Variants in STK35 observed in about 807,000 individuals in gnomAD.
STK35 encodes serine/threonine kinase 35.
In STK35, 17 loss-of-function variants were observed where a neutral mutation model predicts 37.3. That is an observed-to-expected ratio of 0.46 (90% CI 0.31 to 0.68). STK35 has a LOEUF of 0.68. Ranked by LOEUF, STK35 falls within the 30% of genes least tolerant of loss-of-function variation. The pLI is 0.05. For missense variants in STK35, 595 were observed against 746.7 expected, an observed-to-expected ratio of 0.80 and a Z score of 2.37; for synonymous variants, 385 against 319.1, an observed-to-expected ratio of 1.21 and a Z score of -2.20.
intron 3 of STK35, among the ~76,000 whole-genome samples, chr20:2,135,813 G>A (rs1168084692): frequency 2.0e-5 from 3 of 152,192 alleles, no homozygotes; most frequent in Non-Finnish European, 2.9e-5. Flanking sequence ...TTGCACTGCT[G>A]CGCTCCAGCT....
chr20:2,123,788 C>A (rs1959784684), intron 3 of STK35, among the ~76,000 whole-genome samples: 1 of 152,222 alleles, frequency 6.6e-6, no homozygotes, highest in Non-Finnish European at 1.5e-5. Context: ...TCTATGACTT[C>A]CTGGCCCAGC....
At chr20:2,137,802 C>T (rs1485023305) in intron 3 of STK35, among the ~76,000 whole-genome samples, 1 of 151,876 alleles carries the variant, frequency 6.6e-6, no homozygotes, top group Non-Finnish European at 1.5e-5. Flanking sequence ...CCACCGAACC[C>T]CCAGGGCTGG....
intron 3 of STK35, among the ~76,000 whole-genome samples, chr20:2,124,687 A>G (rs1268408841): frequency 6.6e-6 from 1 of 152,148 alleles, no homozygotes; most frequent in African/African-American, 2.4e-5. Context: ...ATGAGTGAAG[A>G]GTCAGAGTGT....
intron 2 of STK35, among the ~76,000 whole-genome samples, chr20:2,104,666 C>T (rs546886647): frequency 6.6e-6 from 1 of 152,248 alleles, no homozygotes; most frequent in South Asian, 2.1e-4. Context: ...TTTTGCACAA[C>T]TTAAAGATCC....
At chr20:2,118,233 T>C (rs1205758617) in intron 3 of STK35, among the ~76,000 whole-genome samples, 1 of 152,212 alleles carries the variant, frequency 6.6e-6, no homozygotes, top group African/African-American at 2.4e-5. Flanking sequence ...ATATGTACCA[T>C]AATTTAACCA....
At position 2,102,055 on chromosome 20, in the gene STK35, T is replaced by A. The variant is rs1203443643; in HGVS notation, c.174T>A (p.Ala58=). ...AAAEGSATRR[A]RAATSRAARS... ...CAGAAGGATCCGCTACACGCCGGGC[T>A]CGGGCCGCCACCTCCCGCGCTGCTC... is the stretch of plus-strand genomic sequence containing the variant. The change falls in exon 1 of 4, where the codon GCT becomes GCA. Residue 58 remains alanine (A), a synonymous_variant. Coordinates refer to ENST00000381482, the MANE Select transcript of STK35 (RefSeq NM_080836.4). The A allele has an allele frequency of 5.3e-6, 8 of 1,523,112 alleles. No individual in the cohort carries two copies. Among genetic ancestry groups the A allele is most frequent in the Non-Finnish European group, 7.0e-6 (8 of 1,140,396 alleles). 94.3% of individuals were successfully genotyped at this position (1,523,112 alleles called of 1,614,324 possible).
intron 2 of STK35, among the ~76,000 whole-genome samples, chr20:2,113,440 C>T (rs772717511): frequency 7.9e-5 from 12 of 152,194 alleles, no homozygotes; most frequent in Admixed American, 1.3e-4. Flanking sequence ...GGTGTTGCAG[C>T]TAGCCTTAAG....
intron 3 of STK35, among the ~76,000 whole-genome samples, chr20:2,139,639 C>G (rs868337420): frequency 6.6e-6 from 1 of 152,166 alleles, no homozygotes; most frequent in Admixed American, 6.5e-5. Flanking sequence ...GGGACGATAA[C>G]CCCTACCTCT....
intron 3 of STK35, among the ~76,000 whole-genome samples, chr20:2,141,309 G>A (rs548007448): frequency 6.6e-6 from 1 of 152,292 alleles, no homozygotes; most frequent in African/African-American, 2.4e-5. Flanking sequence ...TTTTTGAGGG[G>A]AATTAACAGA....
chr20:2,138,544 G>A (rs927329946), intron 3 of STK35, among the ~76,000 whole-genome samples: 2 of 152,202 alleles, frequency 1.3e-5, no homozygotes, highest in East Asian at 1.9e-4. Context: ...AACCAGGACT[G>A]TCTGCCATAG....
Position 2,148,051 on chromosome 20 carries a change from TCCACTGCCG to T in STK35, c.*4306_*4314del, listed in dbSNP as rs16432. 42,574 of 150,362 alleles carry T rather than the reference TCCACTGCCG, an allele frequency of 0.28. 7,671 individuals carry two copies. The highest frequency in any genetic ancestry group is 0.92 in the East Asian group (4,683 of 5,076). 9.3% of individuals were successfully genotyped at this position (150,362 alleles called of 1,614,324 possible). A position where few individuals can be genotyped will look rare whatever the true frequency, so the allele number is the denominator to read the frequency against. ...CATCTACAGCCATCACCGAGATGAG[TCCACTGCCG>T]TTGCCTGCCCGAGGGCCCCCTAAGG... is the stretch of plus-strand genomic sequence containing the variant. On this transcript the variant is annotated 3_prime_UTR_variant, in exon 4 of 4. Coordinates refer to ENST00000381482, the MANE Select transcript of STK35 (RefSeq NM_080836.4).
intron 2 of STK35, among the ~76,000 whole-genome samples, chr20:2,111,937 T>C (rs537225470): frequency 6.6e-6 from 1 of 152,280 alleles, no homozygotes; most frequent in African/African-American, 2.4e-5. Context: ...CTTCCTCTCA[T>C]CCCAGCTTCT....
intron 2 of STK35, among the ~76,000 whole-genome samples, chr20:2,106,736 G>T (rs1038707325): frequency 2.6e-5 from 4 of 152,140 alleles, no homozygotes; most frequent in African/African-American, 4.8e-5. Context: ...TGCTGTTCTT[G>T]GTCTTACCCC....
intron 3 of STK35, among the ~76,000 whole-genome samples, chr20:2,133,290 G>T (rs1338047768): frequency 6.6e-6 from 1 of 152,140 alleles, no homozygotes; most frequent in Non-Finnish European, 1.5e-5. Flanking sequence ...CCTGGCAAGG[G>T]CCCCTGAGGA....
At chr20:2,112,769 ACCTG>A (rs1985644392) in intron 2 of STK35, among the ~76,000 whole-genome samples, 1 of 152,156 alleles carries the variant, frequency 6.6e-6, no homozygotes, top group Admixed American at 6.5e-5. Context: ...TCTCCAAATA[ACCTG>A]CCTGTTTTCT....
intron 2 of STK35, among the ~76,000 whole-genome samples, chr20:2,109,726 G>A (rs1255880190): frequency 6.6e-6 from 1 of 152,200 alleles, no homozygotes; most frequent in Non-Finnish European, 1.5e-5. Context: ...ACCATTCAAG[G>A]TGCTTTGTAT....
chr20:2,111,519 A>T (rs1985618359), intron 2 of STK35, among the ~76,000 whole-genome samples: 1 of 152,064 alleles, frequency 6.6e-6, no homozygotes, highest in African/African-American at 2.4e-5. Flanking sequence ...CAACATAAGG[A>T]GACCCTGTCT....
intron 2 of STK35, among the ~76,000 whole-genome samples, chr20:2,105,068 G>T (rs1985487910): frequency 6.6e-6 from 1 of 151,186 alleles, no homozygotes; most frequent in South Asian, 2.1e-4. Flanking sequence ...GAGGCAGGAG[G>T]ATCAGTTGAG....
intron 3 of STK35, among the ~76,000 whole-genome samples, chr20:2,129,839 G>A (rs913028100): frequency 4.6e-5 from 7 of 152,016 alleles, no homozygotes; most frequent in Non-Finnish European, 1.0e-4. Context: ...GCTGGAGTGC[G>A]GTGGTCAAGG....
Sources: allele counts gnomAD v4.1 joint callset (sites outside exome capture counted in the v4.1 genomes callset), GRCh38; gene constraint gnomAD v4.1.1; transcripts MANE v1.5; gene names NCBI Gene and HGNC (gene_info 2026-07-23, HGNC 2026-07-21).